TRIM26: variants seen among roughly 807,000 people sequenced by gnomAD.
TRIM26 encodes tripartite motif containing 26, also known as tripartite motif-containing protein 26.
In TRIM26, 16 loss-of-function variants were observed where a neutral mutation model predicts 45.5. The ratio of observed to expected loss-of-function variants is 0.35; its 90% CI spans 0.24 to 0.53. The LOEUF (loss-of-function observed/expected upper bound fraction) is 0.53, where lower values mean the gene tolerates loss of function less well. TRIM26 is among the 20% of genes least tolerant of loss of function. The pLI, the probability that TRIM26 is intolerant of heterozygous loss-of-function variation, is 0.92. For synonymous variants in TRIM26, 273 were observed against 290.4 expected (o/e 0.94, Z 0.61); for missense variants, 442 against 691.1 (o/e 0.64, Z 4.04).
rs563343570 is a variant in TRIM26 at position 30,198,435 on chromosome 6, G to A, written c.528C>T (p.Ala176=). Residue 176 remains alanine (A), a synonymous_variant, in exon 5 of 10, where the codon GCC becomes GCT. Transcript: ENST00000454678. This position sits in a 1 kb window ranked among gnomAD's most constrained non-coding sequence, Gnocchi z 6.3. The part of the protein sequence containing the change: ...FQAKGEADIL[A]ALKKLQDQRQ... ...CTGAAACAGCCTCACTTACCAGCGC[G>A]GCCAGGATATCAGCTTCTCCCTTTG... is the stretch of plus-strand genomic sequence containing the variant. 2.2e-5 allele frequency: 35 copies of A among 1,613,044 alleles called. No individual in the cohort carries two copies. Among genetic ancestry groups the A allele is most frequent in the South Asian group, 3.3e-5 (3 of 91,080 alleles).
In TRIM26 at chr6:30,199,044, A is replaced by G. The variant is rs149142713; in HGVS notation, c.60T>C (p.Leu20=). 3,299 of 1,603,238 alleles carry G rather than the reference A, an allele frequency of 2.1e-3. 13 individuals carry two copies. Among genetic ancestry groups the G allele is most frequent in the African/African-American group, 0.012 (900 of 74,842 alleles). ...TGGTCACAGGGTCCCGCAGGTAATC[A>G]AGACAGATGGAGCAGGTCACCTCCT... is the stretch of plus-strand genomic sequence containing the variant. The part of the protein sequence containing the change: ...LEEEVTCSIC[L]DYLRDPVTID... Residue 20 remains leucine, a synonymous_variant, in exon 4 of 10, where the codon CTT becomes CTC. Coordinates refer to ENST00000454678, the MANE Select transcript of TRIM26 (RefSeq NM_003449.5).
Position 30,186,703 on chromosome 6 carries a change from T to G in TRIM26, c.938-145A>C. The G allele has an allele frequency of 3.5e-6, 4 of 1,140,630 alleles. No homozygotes were observed. Among genetic ancestry groups the G allele is most frequent in the Non-Finnish European group, 4.8e-6 (4 of 831,274 alleles). 70.7% of individuals were successfully genotyped at this position (1,140,630 alleles called of 1,614,324 possible). ...AGTAATATAACTCAACATCCTTAAT[T>G]TGGTATAAGTGTGACACATTTTCTG... On this transcript the variant is annotated intron_variant, in intron 9 of 9. Transcript: ENST00000454678. This position sits in a 1 kb window ranked among gnomAD's most constrained non-coding sequence, Gnocchi z 7.4.
intron 1 of TRIM26, among the ~76,000 whole-genome samples, chr6:30,211,415 G>C (rs762926370): frequency 2.0e-4 from 30 of 151,958 alleles, no homozygotes; most frequent in Non-Finnish European, 2.8e-4. Flanking sequence ...ATCCTGGGGG[G>C]GTCCAAGTCT....
Position 30,189,635 on chromosome 6 carries a change from G to A in TRIM26, c.789-102C>T. 2.0e-6 allele frequency: 2 copies of A among 1,020,126 alleles called. No individual in the cohort carries two copies. The highest frequency in any genetic ancestry group is 4.8e-5 in the East Asian group (2 of 41,428). 63.2% of individuals were successfully genotyped at this position (1,020,126 alleles called of 1,614,324 possible). A position where few individuals can be genotyped will look rare whatever the true frequency, so the allele number is the denominator to read the frequency against. On this transcript the variant is annotated intron_variant, in intron 7 of 9. Coordinates refer to ENST00000454678, the MANE Select transcript of TRIM26 (RefSeq NM_003449.5). The surrounding 1 kb of genome is among the most constrained non-coding windows in gnomAD (Gnocchi z 5.0). Reference sequence around the variant, plus strand: ...GGCAATTATGAAGGGGAGAGGAAAGGTATGATTATCCCCAAACAAGTGACA... The same window carrying A: ...GGCAATTATGAAGGGGAGAGGAAAGATATGATTATCCCCAAACAAGTGACA...
intron 1 of TRIM26, among the ~76,000 whole-genome samples, chr6:30,208,832 G>T (rs1465822175): frequency 6.6e-6 from 1 of 151,692 alleles, no homozygotes; most frequent in Non-Finnish European, 1.5e-5. Context: ...CACTCATGAT[G>T]CCCCACAGCC....
chr6:30,204,832 C>G (rs991094814), intron 1 of TRIM26, 67 bp from the exon 2 acceptor site: 2 of 152,242 alleles, frequency 1.3e-5, no homozygotes, highest in Admixed American at 1.3e-4. Flanking sequence ...ACTCCACCCC[C>G]ACTCCCTTTA....
chr6:30,190,350 G>A lies in TRIM26; in HGVS notation c.766-315C>T, dbSNP rs2517618. The A allele has an allele frequency of 0.1, 49,342 of 481,642 alleles. 3,304 individuals are homozygous for A. Among genetic ancestry groups the A allele is most frequent in the Non-Finnish European group, 0.13 (35,343 of 263,752 alleles). 29.8% of individuals were successfully genotyped at this position (481,642 alleles called of 1,614,324 possible). On this transcript the variant is annotated intron_variant, in intron 6 of 9. Transcript: ENST00000454678. The surrounding 1 kb of genome is among the most constrained non-coding windows in gnomAD (Gnocchi z 4.3). ...GGTAAGGTAAAACAGGAAAGGGCTT[G>A]GTGAGAACGGCAGAGGCCAGACTGC...
intron 9 of TRIM26, chr6:30,187,321 C>A: frequency 3.2e-6 from 1 of 316,546 alleles, no homozygotes; most frequent in Non-Finnish European, 6.6e-6. Context: ...ACAAATTAAG[C>A]TGTCATCCAC....
intron 6 of TRIM26, among the ~76,000 whole-genome samples, chr6:30,191,659 C>G (rs1775859099): frequency 1.3e-5 from 2 of 152,048 alleles, no homozygotes; most frequent in African/African-American, 4.8e-5. Context: ...TGACTGCTTC[C>G]AAAAGTTTGG....
chr6:30,205,389 T>C (rs1292703084), intron 1 of TRIM26, among the ~76,000 whole-genome samples: 1 of 152,160 alleles, frequency 6.6e-6, no homozygotes, highest in Non-Finnish European at 1.5e-5. Flanking sequence ...GAGGTTCCCT[T>C]TTCCCTGAAA....
intron 6 of TRIM26, among the ~76,000 whole-genome samples, chr6:30,193,136 ATG>A (rs9278607): frequency 0.081 from 4,153 of 51,192 alleles, 274 homozygotes; most frequent in East Asian, 0.31. Context: ...ATATACATAT[ATG>A]TGTGTGTGTG....
In TRIM26 at chr6:30,210,673, TAA is replaced by T. The variant is rs148308678; in HGVS notation, c.-376+2630_-376+2631del. On this transcript the variant is annotated intron_variant, in intron 1 of 9. Transcript: ENST00000454678. Reference sequence around the variant, plus strand: ...TTCTCCTACACATACACACTTGTAATAAAGTTTATAAAGTAGGCACAGAAATA... The same window carrying T: ...TTCTCCTACACATACACACTTGTAATAGTTTATAAAGTAGGCACAGAAATA... 9.6e-3 allele frequency among the ~76,000 whole-genome samples: 1,466 copies of T among 152,304 alleles called. 23 individuals carry two copies. The highest frequency in any genetic ancestry group is 0.032 in the African/African-American group (1,317 of 41,554).
chr6:30,206,416 T>C (rs1235117063), intron 1 of TRIM26, among the ~76,000 whole-genome samples: 4 of 152,180 alleles, frequency 2.6e-5, no homozygotes, highest in African/African-American at 4.8e-5. Flanking sequence ...CTCTGAACGC[T>C]AGAAATCCCC....
chr6:30,198,760 T>C lies in TRIM26; in HGVS notation c.344A>G (p.Asp115Gly), dbSNP rs535534861. 8.5e-5 allele frequency: 137 copies of C among 1,603,630 alleles called. 2 individuals carry two copies. The South Asian group carries it at 1.4e-3, about 17-fold the overall frequency. Residue 115 changes from aspartate to glycine, a missense_variant, in exon 4 of 10, where the codon GAC (aspartate) becomes GGC (glycine). Coordinates refer to ENST00000454678, the MANE Select transcript of TRIM26 (RefSeq NM_003449.5). This position sits in a 1 kb window ranked among gnomAD's most constrained non-coding sequence, Gnocchi z 6.3. ...CATCACGCACAGCAGCTTCCCGTCGTCCTCACAGTAGTAGTGCAGCTTCTC... is the reference window on the plus strand; with the variant it reads ...CATCACGCACAGCAGCTTCCCGTCGCCCTCACAGTAGTAGTGCAGCTTCTC... ...HREKLHYYCEDDGKLLCVMCR... is the reference protein window; with the variant it reads ...HREKLHYYCEGDGKLLCVMCR...
intron 5 of TRIM26, among the ~76,000 whole-genome samples, chr6:30,197,458 C>A (rs1290014631): frequency 1.3e-5 from 2 of 152,188 alleles, no homozygotes; most frequent in African/African-American, 4.8e-5. Context: ...CCTGACCCCA[C>A]TACTCCTCCA....
At position 30,189,225 on chromosome 6, in the gene TRIM26, A is replaced by T. The variant is rs2127485569; in HGVS notation, c.905-26T>A. 2 of 1,612,980 alleles carry T rather than the reference A, an allele frequency of 1.2e-6. No individual in the cohort carries two copies. Among genetic ancestry groups the T allele is most frequent in the East Asian group, 4.5e-5 (2 of 44,874 alleles). On this transcript the variant is annotated intron_variant, in intron 8 of 9. Coordinates refer to ENST00000454678, the MANE Select transcript of TRIM26 (RefSeq NM_003449.5). The surrounding 1 kb of genome is among the most constrained non-coding windows in gnomAD (Gnocchi z 5.0). ...CTGGGGAGAAAAAAGGACAGCAATG[A>T]CTCAAGTCCCGAAAATTTATGAGCC... is the stretch of plus-strand genomic sequence containing the variant.
In TRIM26 at chr6:30,198,877, T is replaced by G; in HGVS notation, c.227A>C (p.Glu76Ala). The G allele has an allele frequency of 6.2e-7, 1 of 1,612,894 alleles. No individual in the cohort carries two copies. Among genetic ancestry groups the G allele is most frequent in the Non-Finnish European group, 8.5e-7 (1 of 1,179,920 alleles). ...GTCCACCTTCAGCCGCTCAATGTTC[T>G]CCACCAGGCTGGCCAGTTGCCACAC... Reference protein sequence around the residue: ...RPVWQLASLVENIERLKVDKG... With the variant: ...RPVWQLASLVANIERLKVDKG... The change falls in exon 4 of 10, where the codon GAG becomes GCG. Residue 76 changes from glutamate to alanine, a missense_variant. Coordinates refer to ENST00000454678, the MANE Select transcript of TRIM26 (RefSeq NM_003449.5). The surrounding 1 kb of genome is among the most constrained non-coding windows in gnomAD (Gnocchi z 6.3).
rs2127478693 is a variant in TRIM26 at position 30,186,400 on chromosome 6, C to T, written c.1096G>A (p.Gly366Ser). ...GVLGSKGFTW[G>S]KVYWEVEVER... ...ACTTCCACTTCCCAGTAGACCTTGC[C>T]CCAGGTGAAGCCCTTGCTGCCTAGC... Residue 366 changes from glycine to serine, a missense_variant, in exon 10 of 10, where the codon GGC (glycine) becomes AGC (serine). By Grantham distance (56) the Gly-to-Ser change is moderately conservative (BLOSUM62 0). Transcript: ENST00000454678. The surrounding 1 kb of genome is among the most constrained non-coding windows in gnomAD (Gnocchi z 7.4). 6.2e-7 allele frequency: 1 copy of T among 1,611,608 alleles called. No individual in the cohort carries two copies. Among genetic ancestry groups the T allele is most frequent in the Non-Finnish European group, 8.5e-7 (1 of 1,179,150 alleles).
intron 9 of TRIM26, chr6:30,187,344 G>A: frequency 3.1e-6 from 1 of 327,376 alleles, no homozygotes; most frequent in Middle Eastern, 1.2e-3. Context: ...GATTAGAAAA[G>A]AGGGCATTCA....
Sources: allele counts gnomAD v4.1 joint callset (sites outside exome capture counted in the v4.1 genomes callset), GRCh38; gene constraint gnomAD v4.1.1; non-coding constraint Gnocchi (gnomAD v3.1); transcripts MANE v1.5; gene names NCBI Gene and HGNC (gene_info 2026-07-23, HGNC 2026-07-21).